The following SUSD6 variants were observed in gnomAD, a reference collection of about 807,000 sequenced individuals.
SUSD6 encodes the protein sushi domain containing 6.
A neutral mutation model predicts 28.4 loss-of-function variants in SUSD6; 16 were observed. The ratio of observed to expected loss-of-function variants is 0.56; its 90% CI spans 0.38 to 0.86. The LOEUF (loss-of-function observed/expected upper bound fraction) is 0.86. SUSD6 is among the 40% of genes least tolerant of loss of function. The probability of loss-of-function intolerance (pLI) is 0.00; values close to 1 mark genes in which losing one functional copy is unlikely to be tolerated. For missense variants in SUSD6, 341 were observed against 384.2 expected (o/e 0.89, Z 0.94); for synonymous variants, 147 against 159.6 (o/e 0.92, Z 0.59).
intron 1 of SUSD6, among the ~76,000 whole-genome samples, chr14:69,639,963 T>TG (rs1289743837): frequency 6.9e-6 from 1 of 145,768 alleles, no homozygotes. Flanking sequence ...ACTGTTTTTT[T>TG]TTTTTTTTTT....
intron 1 of SUSD6, among the ~76,000 whole-genome samples, chr14:69,624,689 AGG>A (rs1299401490): frequency 6.6e-6 from 1 of 152,152 alleles, no homozygotes; most frequent in Non-Finnish European, 1.5e-5. Flanking sequence ...TCCCGACCTC[AGG>A]TGATCCACCT....
At chr14:69,652,902 C>G (rs1885524632) in intron 1 of SUSD6, among the ~76,000 whole-genome samples, 1 of 152,210 alleles carries the variant, frequency 6.6e-6, no homozygotes, top group African/African-American at 2.4e-5. Context: ...TTTCTCAGCC[C>G]TCTGCTGTCT....
chr14:69,644,000 C>T (rs1025613739), intron 1 of SUSD6, among the ~76,000 whole-genome samples: 8 of 152,150 alleles, frequency 5.3e-5, no homozygotes, highest in African/African-American at 1.9e-4. Flanking sequence ...TCCAGCTTAT[C>T]TTCCTGTTTT....
rs141091839 is a variant in SUSD6 at position 69,712,625 on chromosome 14, G to C, written c.*1646G>C. On this transcript the variant is annotated 3_prime_UTR_variant, in exon 6 of 6. Coordinates refer to ENST00000342745, the MANE Select transcript of SUSD6 (RefSeq NM_014734.4). ...TTACCTAACAGGGTTGGCTCCAGGC[G>C]TGGGTGGCCTAGAAGATGAGGGGAG... 1 of 152,186 alleles carries C rather than the reference G, an allele frequency of 6.6e-6. No homozygotes were observed. Among genetic ancestry groups the C allele is most frequent in the African/African-American group, 2.4e-5 (1 of 41,386 alleles). The allele number at this position is 152,186 out of a possible 1,614,324, so 9.4% of individuals were successfully genotyped here.
intron 2 of SUSD6, among the ~76,000 whole-genome samples, chr14:69,670,236 G>T (rs1044980386): frequency 6.6e-6 from 1 of 152,210 alleles, no homozygotes; most frequent in African/African-American, 2.4e-5. Context: ...CCTGTGAGAG[G>T]AGGGCAGCAG....
intron 2 of SUSD6, among the ~76,000 whole-genome samples, chr14:69,680,311 G>A (rs1594715321): frequency 6.6e-6 from 1 of 152,144 alleles, no homozygotes; most frequent in East Asian, 1.9e-4. Flanking sequence ...GGGAAGGTGT[G>A]TAGGCAGCTG....
chr14:69,693,769 G>A (rs1458087279), intron 2 of SUSD6, among the ~76,000 whole-genome samples: 2 of 152,200 alleles, frequency 1.3e-5, no homozygotes, highest in Admixed American at 6.5e-5. Flanking sequence ...CAGTTGACAA[G>A]GCTGCAGAGC....
At chr14:69,659,588 G>T (rs1445214433) in intron 2 of SUSD6, among the ~76,000 whole-genome samples, 1 of 152,176 alleles carries the variant, frequency 6.6e-6, no homozygotes. Flanking sequence ...CACGATCGTG[G>T]CTCACTGCAA....
chr14:69,678,318 C>A (rs752527961), intron 2 of SUSD6, among the ~76,000 whole-genome samples: 1 of 148,912 alleles, frequency 6.7e-6, no homozygotes, highest in Non-Finnish European at 1.5e-5. Flanking sequence ...CATATTGTAA[C>A]ATAATTTATA....
intron 1 of SUSD6, among the ~76,000 whole-genome samples, chr14:69,615,923 C>T (rs1328065134): frequency 1.3e-5 from 2 of 152,198 alleles, no homozygotes; most frequent in Non-Finnish European, 2.9e-5. Context: ...AGATGTAGTT[C>T]CCTGTTACTG....
At chr14:69,668,707 A>C (rs986723274) in intron 2 of SUSD6, among the ~76,000 whole-genome samples, 1 of 151,864 alleles carries the variant, frequency 6.6e-6, no homozygotes, top group African/African-American at 2.4e-5. Flanking sequence ...TGTAATTGCC[A>C]GTGTTGAAGT....
chr14:69,687,818 C>A (rs1478238438), intron 2 of SUSD6, among the ~76,000 whole-genome samples: 4 of 152,208 alleles, frequency 2.6e-5, no homozygotes, highest in Non-Finnish European at 5.9e-5. Flanking sequence ...GCTGTGGCAC[C>A]AGCTGGGGAT....
intron 2 of SUSD6, among the ~76,000 whole-genome samples, chr14:69,676,324 T>G (rs1180222860): frequency 6.6e-6 from 1 of 152,058 alleles, no homozygotes; most frequent in African/African-American, 2.4e-5. Flanking sequence ...TTCTTCAGAC[T>G]TAGAAAACCA....
At chr14:69,616,563 A>G (rs1055513016) in intron 1 of SUSD6, among the ~76,000 whole-genome samples, 1 of 152,218 alleles carries the variant, frequency 6.6e-6, no homozygotes, top group Non-Finnish European at 1.5e-5. Context: ...AGGTAACTGC[A>G]AAAAGGGTAC....
chr14:69,627,646 A>G (rs1885133564), intron 1 of SUSD6, among the ~76,000 whole-genome samples: 1 of 151,830 alleles, frequency 6.6e-6, no homozygotes, highest in African/African-American at 2.4e-5. Flanking sequence ...TTGTATTTTT[A>G]GTAGAGATGG....
rs919142609 is a variant in SUSD6, at chr14:69,715,010, T to A, written c.*4031T>A. 6.6e-6 allele frequency: 1 copy of A among 152,138 alleles called. No homozygotes were observed. The highest frequency in any genetic ancestry group is 1.5e-5 in the Non-Finnish European group (1 of 68,032). The allele number at this position is 152,138 out of a possible 1,614,324, so 9.4% of individuals were successfully genotyped here. ...GCTTTATTTTATTTTATATATATAT[T>A]TTTTGGTATCCTGTACATTGCAGTG... On this transcript the variant is annotated 3_prime_UTR_variant, in exon 6 of 6. Coordinates refer to ENST00000342745, the MANE Select transcript of SUSD6 (RefSeq NM_014734.4).
chr14:69,682,911 G>T (rs1057495524), intron 2 of SUSD6, among the ~76,000 whole-genome samples: 11 of 148,190 alleles, frequency 7.4e-5, no homozygotes, highest in Non-Finnish European at 1.5e-4. Context: ...CTTTCTGTCT[G>T]CCCTGGCAGG....
intron 1 of SUSD6, among the ~76,000 whole-genome samples, chr14:69,613,031 G>A (rs1884904768): frequency 6.6e-6 from 1 of 152,170 alleles, no homozygotes; most frequent in Non-Finnish European, 1.5e-5. Flanking sequence ...AGTTCTCTGG[G>A]TTTTGTGTTT....
intron 2 of SUSD6, among the ~76,000 whole-genome samples, chr14:69,692,040 A>G: frequency 6.8e-6 from 1 of 147,426 alleles, no homozygotes; most frequent in African/African-American, 2.5e-5. Context: ...CTCCGTCTCA[A>G]AAAAAAAAAA....
Sources: allele counts gnomAD v4.1 joint callset (sites outside exome capture counted in the v4.1 genomes callset), GRCh38; gene constraint gnomAD v4.1.1; transcripts MANE v1.5; gene names NCBI Gene and HGNC (gene_info 2026-07-23, HGNC 2026-07-21).